LMBR1: variants seen among roughly 807,000 people sequenced by gnomAD.
LMBR1 encodes the protein limb region 1 protein homolog.
Under a neutral mutation model 73.9 loss-of-function variants are expected in LMBR1, and 52 were observed. That is an observed-to-expected ratio of 0.70 (90% CI 0.56 to 0.89). The LOEUF is 0.89. LMBR1 is among the 40% of genes least tolerant of loss of function. The pLI, the probability that LMBR1 is intolerant of heterozygous loss-of-function variation, is 0.00. For synonymous variants in LMBR1, 215 were observed against 209.4 expected, an observed-to-expected ratio of 1.03 and a Z score of -0.23; for missense variants, 539 against 579.8, an observed-to-expected ratio of 0.93 and a Z score of 0.72.
chr7:156,675,927 T>C, downstream of LMBR1: 1 of 1,515,410 alleles, frequency 6.6e-7, no homozygotes. Flanking sequence ...CTGTGGGGAG[T>C]GGCATGTGGG....
rs530295310 is a variant in LMBR1 at position 156,679,327 on chromosome 7, G to C, written c.*4751C>G. On this transcript the variant is annotated 3_prime_UTR_variant, in exon 17 of 17. Transcript: ENST00000353442. ...AAAGACTAAAAAGAAAAGAAAAAGTGAATCACTCTTCAGACTGAAGGATAG... is the reference window on the plus strand; with the variant it reads ...AAAGACTAAAAAGAAAAGAAAAAGTCAATCACTCTTCAGACTGAAGGATAG... 6.6e-6 allele frequency: 1 copy of C among 152,324 alleles called. No homozygotes were observed. Among genetic ancestry groups the C allele is most frequent in the East Asian group, 1.9e-4 (1 of 5,180 alleles). The allele number at this position is 152,324 out of a possible 1,614,324, so 9.4% of individuals were successfully genotyped here.
chr7:156,816,188 T>C (rs1833893837), intron 4 of LMBR1, among the ~76,000 whole-genome samples: 2 of 152,122 alleles, frequency 1.3e-5, no homozygotes, highest in Non-Finnish European at 2.9e-5. Context: ...AAAAAATATT[T>C]TTTTTTCTTT....
intron 1 of LMBR1, among the ~76,000 whole-genome samples, chr7:156,878,739 G>A (rs958770130): frequency 3.9e-5 from 6 of 152,004 alleles, no homozygotes; most frequent in South Asian, 2.1e-4. Context: ...AAGAGCCCGC[G>A]TAGCCAAAAC....
chr7:156,707,797 A>T (rs1267287987), intron 15 of LMBR1, among the ~76,000 whole-genome samples: 3 of 152,202 alleles, frequency 2.0e-5, no homozygotes, highest in African/African-American at 7.2e-5. Context: ...GTCAATTTTC[A>T]CCACTCCTAT....
At chr7:156,795,961 T>G (rs181267815) in intron 5 of LMBR1, among the ~76,000 whole-genome samples, 1 of 152,350 alleles carries the variant, frequency 6.6e-6, no homozygotes, top group African/African-American at 2.4e-5. Context: ...AGTCATTCAT[T>G]CTGATCCTGG....
At chr7:156,829,401 G>T (rs931528377) in intron 3 of LMBR1, among the ~76,000 whole-genome samples, 1 of 152,294 alleles carries the variant, frequency 6.6e-6, no homozygotes, top group South Asian at 2.1e-4. Context: ...CTACAGTAAT[G>T]AGTGAGTTCT....
intron 15 of LMBR1, among the ~76,000 whole-genome samples, chr7:156,711,146 TA>T (rs1812000428): frequency 6.6e-6 from 1 of 152,078 alleles, no homozygotes; most frequent in Non-Finnish European, 1.5e-5. Flanking sequence ...CTATCTCTAC[TA>T]AAAATACAAA....
rs547063411 is a variant in LMBR1 at position 156,695,188 on chromosome 7, A to G, written c.1226-6997T>C. ...GATGGCCATAGTGGTGAATGCCTGT[A>G]GTCCTAACTTCTTAGGAGGCTTAGG... On this transcript the variant is annotated intron_variant, in intron 15 of 16. Transcript: ENST00000353442. Among the ~76,000 whole-genome samples, 3 of 152,326 alleles carry G rather than the reference A, an allele frequency of 2.0e-5. No individual in the cohort carries two copies. The South Asian group carries it at 6.2e-4, about 32-fold the overall frequency.
At chr7:156,855,458 G>GA (rs756028024) in intron 1 of LMBR1, among the ~76,000 whole-genome samples, 45 of 151,794 alleles carry the variant, frequency 3.0e-4, no homozygotes, top group South Asian at 6.2e-4. Context: ...AAAGCAAACA[G>GA]AAAAAATAAC....
chr7:156,696,796 C>A (rs915466144), intron 15 of LMBR1, among the ~76,000 whole-genome samples: 7 of 152,328 alleles, frequency 4.6e-5, no homozygotes, highest in Admixed American at 4.6e-4. Context: ...TGGCCCCTCA[C>A]AAATCTCATG....
intron 15 of LMBR1, among the ~76,000 whole-genome samples, chr7:156,691,983 T>C (rs1807287513): frequency 6.6e-6 from 1 of 152,230 alleles, no homozygotes; most frequent in South Asian, 2.1e-4. Flanking sequence ...TCATTGCCAA[T>C]TGTTTTATTC....
chr7:156,891,227 TATATATACACAC>T (rs1359748728), intron 1 of LMBR1, among the ~76,000 whole-genome samples: 95 of 80,860 alleles, frequency 1.2e-3, no homozygotes, highest in Non-Finnish European at 1.9e-3. Context: ...TATATATATA[TATATATACACAC>T]ACACACACAC....
chr7:156,714,041 G>A (rs1186908723), intron 15 of LMBR1, among the ~76,000 whole-genome samples: 2 of 152,168 alleles, frequency 1.3e-5, no homozygotes, highest in Admixed American at 1.3e-4. Flanking sequence ...GCCTTCCTAG[G>A]AAGACAAGAC....
rs76984552 is a variant in LMBR1 at position 156,844,411 on chromosome 7, C to G, written c.67-7526G>C. Among the ~76,000 whole-genome samples, 68 of 152,204 alleles carry G rather than the reference C, an allele frequency of 4.5e-4. No individual in the cohort carries two copies. The East Asian group carries it at 6.7e-3, about 15-fold the overall frequency. On this transcript the variant is annotated intron_variant, in intron 1 of 16. Coordinates refer to ENST00000353442, the MANE Select transcript of LMBR1 (RefSeq NM_022458.4). The stretch of plus-strand genomic sequence containing the variant: ...TCACAGAACTCATTAGACTGTGTTT[C>G]TAGTTTCAAAAGTAGGACGAGGAGT...
intron 15 of LMBR1, among the ~76,000 whole-genome samples, chr7:156,720,462 G>A (rs1013858211): frequency 2.0e-5 from 3 of 152,088 alleles, no homozygotes; most frequent in Non-Finnish European, 4.4e-5. Context: ...AACACATTTC[G>A]TAGATATCAG....
chr7:156,874,190 G>A (rs368172971), intron 1 of LMBR1, among the ~76,000 whole-genome samples: 38 of 152,358 alleles, frequency 2.5e-4, no homozygotes, highest in Middle Eastern at 3.4e-3. Flanking sequence ...TGAGCACAGC[G>A]CCAGTGGGCC....
Position 156,709,803 on chromosome 7 carries a change from A to G in LMBR1, c.1225+14309T>C, listed in dbSNP as rs564872774. Among the ~76,000 whole-genome samples, 28 of 152,208 alleles carry G rather than the reference A, an allele frequency of 1.8e-4. 1 individual carries two copies. In the South Asian group the frequency reaches 4.1e-3, roughly 23 times the overall value. ...CTGGCAATATAAAAAACCGGGTTCT[A>G]TAACACTCCCAGAAGATCACACTAG... On this transcript the variant is annotated intron_variant, in intron 15 of 16. Transcript: ENST00000353442.
intron 15 of LMBR1, among the ~76,000 whole-genome samples, chr7:156,723,841 G>A (rs984827462): frequency 4.6e-5 from 7 of 152,054 alleles, no homozygotes; most frequent in Middle Eastern, 3.2e-3. Flanking sequence ...ACTTATAGAT[G>A]TGTCAGTAAA....
At chr7:156,788,194 G>T (rs777590159) in intron 5 of LMBR1, among the ~76,000 whole-genome samples, 2 of 152,164 alleles carry the variant, frequency 1.3e-5, no homozygotes, top group Non-Finnish European at 2.9e-5. Context: ...CAGCATTTTG[G>T]GAAGTCAAGG....
Sources: allele counts gnomAD v4.1 joint callset (sites outside exome capture counted in the v4.1 genomes callset), GRCh38; gene constraint gnomAD v4.1.1; transcripts MANE v1.5; gene names NCBI Gene and HGNC (gene_info 2026-07-23, HGNC 2026-07-21).